The following ARHGAP6 variants were observed in gnomAD, a reference collection of about 807,000 sequenced individuals.
The protein encoded by ARHGAP6 is rho GTPase-activating protein 6.
A neutral mutation model predicts 55.7 loss-of-function variants in ARHGAP6; 16 were observed. That is an observed-to-expected ratio of 0.29 (90% CI 0.19 to 0.44). The LOEUF is 0.44. Ranked by LOEUF, ARHGAP6 falls within the 20% of genes least tolerant of loss-of-function variation. The pLI is 1.00. For synonymous variants in ARHGAP6, 382 were observed against 360.9 expected (o/e 1.06, Z -0.66); for missense variants, 698 against 808.9 (o/e 0.86, Z 1.66).
chrX:11,147,174 AAC>A (rs1217858645), intron 10 of ARHGAP6, among the ~76,000 whole-genome samples: 2 of 112,280 alleles, frequency 1.8e-5, no homozygotes, highest in Non-Finnish European at 3.8e-5. Context: ...TTCAGACATA[AAC>A]ACATACATAT....
chrX:11,637,389 T>G (rs996239663), intron 1 of ARHGAP6, among the ~76,000 whole-genome samples: 6 of 111,866 alleles, frequency 5.4e-5, no homozygotes, highest in African/African-American at 1.9e-4. Flanking sequence ...CCTACCATTT[T>G]CCCAGCCACT....
intron 1 of ARHGAP6, among the ~76,000 whole-genome samples, chrX:11,563,324 TAA>T (rs2051408414): frequency 1.0e-5 from 1 of 100,286 alleles, no homozygotes; most frequent in Non-Finnish European, 2.0e-5. Context: ...AAAAAAATCA[TAA>T]GATAATCCAA....
At position 11,182,094 on chromosome X, in the gene ARHGAP6, C is replaced by G; in HGVS notation, c.1298G>C (p.Arg433Pro). 8.3e-7 allele frequency: 1 copy of G among 1,206,552 alleles called. No homozygotes were observed. Among genetic ancestry groups the G allele is most frequent in the Non-Finnish European group, 1.1e-6 (1 of 892,114 alleles). ...CACTCTCTTTTTTGAGCTTCCAACT[C>G]GGAATATCCCCACTGTCTGGAGGCC... ...KHGLQTVGIF[R>P]VGSSKKRVRQ... The change falls in exon 6 of 13, where the codon CGA becomes CCA. Residue 433 changes from arginine (R) to proline (P), a missense_variant. Coordinates refer to ENST00000337414, the MANE Select transcript of ARHGAP6 (RefSeq NM_013427.3).
chrX:11,314,423 T>TA (rs904561083), intron 1 of ARHGAP6, among the ~76,000 whole-genome samples: 1 of 112,233 alleles, frequency 8.9e-6, no homozygotes, highest in Admixed American at 9.4e-5. Context: ...TTATGCAAAA[T>TA]AAAAATTGAA....
At chrX:11,185,142 CTGTGTGTGTGTGTG>C (rs3990773) in intron 5 of ARHGAP6, among the ~76,000 whole-genome samples, 1 of 95,966 alleles carries the variant, frequency 1.0e-5, no homozygotes, top group African/African-American at 3.7e-5. Context: ...TGGTGCATGA[CTGTGTGTGTGTGTG>C]TGTGTGTGTG....
At chrX:11,588,491 A>G (rs1009374876) in intron 1 of ARHGAP6, among the ~76,000 whole-genome samples, 1 of 112,445 alleles carries the variant, frequency 8.9e-6, no homozygotes, top group African/African-American at 3.2e-5. Context: ...AGCATTATTC[A>G]CACTATCCAA....
intron 1 of ARHGAP6, among the ~76,000 whole-genome samples, chrX:11,379,812 C>T (rs1308063028): frequency 9.0e-6 from 1 of 110,504 alleles, no homozygotes; most frequent in Non-Finnish European, 1.9e-5. Context: ...AACTTGATTG[C>T]CTGGTTTCCT....
At chrX:11,565,944 A>T (rs1479444085) in intron 1 of ARHGAP6, among the ~76,000 whole-genome samples, 1 of 111,521 alleles carries the variant, frequency 9.0e-6, no homozygotes, top group African/African-American at 3.3e-5. Context: ...TCAAGGAGGG[A>T]CCTATTCAGA....
chrX:11,411,191 A>ATATATATT (rs1443580133), intron 1 of ARHGAP6, among the ~76,000 whole-genome samples: 1 of 63,693 alleles, frequency 1.6e-5, no homozygotes, highest in Non-Finnish European at 2.8e-5. Flanking sequence ...ATTTATATAT[A>ATATATATT]TATATATATA....
intron 1 of ARHGAP6, among the ~76,000 whole-genome samples, chrX:11,570,719 T>C (rs1304679458): frequency 8.9e-6 from 1 of 111,777 alleles, no homozygotes; most frequent in Non-Finnish European, 1.9e-5. Flanking sequence ...AGATTCAGTA[T>C]TACTTTGGTG....
chrX:11,175,690 G>A (rs897625506), intron 8 of ARHGAP6, among the ~76,000 whole-genome samples: 4 of 111,366 alleles, frequency 3.6e-5, no homozygotes, highest in African/African-American at 1.3e-4. Flanking sequence ...ATTTTTGGTT[G>A]TCACAACTTG....
At chrX:11,216,274 G>A (rs1420679898) in intron 2 of ARHGAP6, among the ~76,000 whole-genome samples, 3 of 110,999 alleles carry the variant, frequency 2.7e-5, no homozygotes, top group African/African-American at 9.8e-5. Context: ...CAGCGGAAAA[G>A]AGACCATTTT....
Position 11,138,623 on chromosome X carries a change from G to A in ARHGAP6, c.*240C>T. The A allele has an allele frequency of 4.7e-6, 2 of 424,398 alleles. No individual in the cohort carries two copies. Among genetic ancestry groups the A allele is most frequent in the Non-Finnish European group, 4.1e-6 (1 of 246,487 alleles). 35.0% of individuals were successfully genotyped at this position (424,398 alleles called of 1,213,427 possible). A position where few individuals can be genotyped will look rare whatever the true frequency, so the allele number is the denominator to read the frequency against. On this transcript the variant is annotated 3_prime_UTR_variant, in exon 13 of 13. Transcript: ENST00000337414. ...AGCCAAGAGGGACGTTTTTAGATTG[G>A]ACATTGCCATCTGGTTTGGGTTCTG...
intron 1 of ARHGAP6, among the ~76,000 whole-genome samples, chrX:11,353,740 C>G (rs2147675349): frequency 9.0e-6 from 1 of 110,891 alleles, no homozygotes; most frequent in East Asian, 2.8e-4. Context: ...TCTGACCCGT[C>G]ACTTCTATTT....
chrX:11,602,543 G>A lies in ARHGAP6; in HGVS notation c.588+61698C>T, dbSNP rs912780211. Among the ~76,000 whole-genome samples, 4 of 112,885 alleles carry A rather than the reference G, an allele frequency of 3.5e-5. No homozygotes were observed. In the South Asian group the frequency reaches 1.5e-3, roughly 41 times the overall value. On this transcript the variant is annotated intron_variant, in intron 1 of 12. Coordinates refer to ENST00000337414, the MANE Select transcript of ARHGAP6 (RefSeq NM_013427.3). ...TACCTCCAGGCTACAAGTTCAGGAA[G>A]AAATAACTGATTGGTTAGGTCTATG...
chrX:11,350,678 T>A (rs2048851420), intron 1 of ARHGAP6, among the ~76,000 whole-genome samples: 1 of 112,234 alleles, frequency 8.9e-6, no homozygotes, highest in Non-Finnish European at 1.9e-5. Flanking sequence ...AATTTGTGAA[T>A]CATGAAAAAA....
At chrX:11,428,216 C>T (rs942976179) in intron 1 of ARHGAP6, among the ~76,000 whole-genome samples, 1 of 112,065 alleles carries the variant, frequency 8.9e-6, no homozygotes, top group African/African-American at 3.2e-5. Context: ...TCTAGAAAGC[C>T]TTCTTCTGTG....
At chrX:11,248,031 C>G (rs901868105) in intron 2 of ARHGAP6, among the ~76,000 whole-genome samples, 5 of 111,848 alleles carry the variant, frequency 4.5e-5, no homozygotes, top group Non-Finnish European at 9.4e-5. Context: ...TCAAAAGTCT[C>G]TTTTTGAACC....
intron 1 of ARHGAP6, chrX:11,298,243 C>A (rs104894733): frequency 2.5e-6 from 3 of 1,209,594 alleles, no homozygotes; most frequent in African/African-American, 1.8e-5. Context: ...AAGGTGCTTA[C>A]CCCTTTGAAG....
Sources: allele counts gnomAD v4.1 joint callset (sites outside exome capture counted in the v4.1 genomes callset), GRCh38; gene constraint gnomAD v4.1.1; transcripts MANE v1.5; gene names NCBI Gene and HGNC (gene_info 2026-07-23, HGNC 2026-07-21).